LRIG2: variants seen among roughly 807,000 people sequenced by gnomAD.
LRIG2 encodes the protein leucine rich repeats and immunoglobulin like domains 2.
A neutral mutation model predicts 107.8 loss-of-function variants in LRIG2; 93 were observed. The observed-to-expected ratio is 0.86, with a 90% confidence interval of 0.73 to 1.03. The LOEUF (loss-of-function observed/expected upper bound fraction) is 1.03, where lower values mean the gene tolerates loss of function less well. Among genes scored for constraint, LRIG2 ranks in the 50% least tolerant of loss-of-function variants. The pLI, the probability that LRIG2 is intolerant of heterozygous loss-of-function variation, is 0.00. For synonymous variants in LRIG2, 471 were observed against 470.6 expected, an observed-to-expected ratio of 1.00 and a Z score of -0.01; for missense variants, 1,226 against 1,296.0, an observed-to-expected ratio of 0.95 and a Z score of 0.83.
In LRIG2 at chr1:113,128,527, G is replaced by A. The variant is rs568399135; in HGVS notation, c.*4426G>A. On this transcript the variant is annotated 3_prime_UTR_variant, in exon 18 of 18. Coordinates refer to ENST00000361127, the MANE Select transcript of LRIG2 (RefSeq NM_014813.3). ...CATTCTATGAATCTGTAATTCCCTC[G>A]AGGAGCTAAGGAGGATTATGCTACT... 5 of 152,124 alleles carry A rather than the reference G, an allele frequency of 3.3e-5. No homozygotes were observed. The highest frequency in any genetic ancestry group is 6.5e-5 in the Admixed American group (1 of 15,280). The allele number at this position is 152,124 out of a possible 1,614,324, so 9.4% of individuals were successfully genotyped here. A position where few individuals can be genotyped will look rare whatever the true frequency, so the allele number is the denominator to read the frequency against.
intron 1 of LRIG2, among the ~76,000 whole-genome samples, chr1:113,083,862 G>C (rs1653401004): frequency 9.8e-6 from 1 of 101,622 alleles, no homozygotes; most frequent in Non-Finnish European, 1.8e-5. Context: ...GTGGGGTGGG[G>C]GGAGGGGGGA....
chr1:113,119,591 T>A, intron 17 of LRIG2, 68 bp downstream of exon 17: 1 of 1,440,836 alleles, frequency 6.9e-7, no homozygotes, highest in Non-Finnish European at 9.5e-7. Context: ...TTCTATCATA[T>A]AGGTAGTGCT....
At position 113,129,503 on chromosome 1, in the gene LRIG2, T is replaced by C. The variant is rs1311504001; in HGVS notation, c.*5402T>C. 1.3e-5 allele frequency: 2 copies of C among 151,490 alleles called. 1 individual carries two copies. The highest frequency in any genetic ancestry group is 3.9e-4 in the East Asian group (2 of 5,170). The allele number at this position is 151,490 out of a possible 1,614,324, so 9.4% of individuals were successfully genotyped here. A position where few individuals can be genotyped will look rare whatever the true frequency, so the allele number is the denominator to read the frequency against. On this transcript the variant is annotated 3_prime_UTR_variant, in exon 18 of 18. Transcript: ENST00000361127. ...AACTAGTCAGCAATCTATTTAAATG[T>C]GAAGAGCCTATCTCTGGTCTTTAAA...
intron 8 of LRIG2, 84 bp downstream of exon 8, chr1:113,096,449 T>C: frequency 2.2e-6 from 3 of 1,377,354 alleles, no homozygotes; most frequent in Non-Finnish European, 3.0e-6. Context: ...AACTAATCAG[T>C]CTGCAAATTC....
chr1:113,087,604 C>T (rs1653615622), intron 1 of LRIG2, among the ~76,000 whole-genome samples: 1 of 152,198 alleles, frequency 6.6e-6, no homozygotes, highest in South Asian at 2.1e-4. Flanking sequence ...CCACCTCGGC[C>T]TCCCAAAGTG....
Position 113,073,527 on chromosome 1 carries a change from G to T in LRIG2, c.121G>T (p.Gly41Cys). 1 of 1,614,174 alleles carries T rather than the reference G, an allele frequency of 6.2e-7. No individual in the cohort carries two copies. The change falls in exon 1 of 18, where the codon GGT becomes TGT. Residue 41 changes from glycine to cysteine, a missense_variant. Physicochemically the swap from Gly to Cys is radical, Grantham distance 159. This residue lies in a region of LRIG2 where 570 missense variants were observed against 550.2 expected (regional missense o/e 1.04). Transcript: ENST00000361127. ...ALLLLPAAGA[G>C]LCPAPCSCRI... ...CCTCCTGTTGCCCGCCGCCGGAGCA[G>T]GTCTCTGCCCCGCGCCCTGCTCCTG...
At chr1:113,084,238 C>G (rs575333345) in intron 1 of LRIG2, among the ~76,000 whole-genome samples, 127 of 114,978 alleles carry the variant, frequency 1.1e-3, no homozygotes, top group Non-Finnish European at 1.8e-3. Flanking sequence ...TTTTCTGAGA[C>G]AGAGTCTTGT....
intron 15 of LRIG2, among the ~76,000 whole-genome samples, chr1:113,116,057 A>G (rs1654994159): frequency 6.6e-6 from 1 of 152,202 alleles, no homozygotes; most frequent in Non-Finnish European, 1.5e-5. Context: ...GGCAGTAGAT[A>G]AGATTTCAAC....
Position 113,108,703 on chromosome 1 carries a change from C to G in LRIG2, c.1477+946C>G, listed in dbSNP as rs1294804874. ...ACCGGCCTGGCCAGCATGGCGAAAC[C>G]CTGACTCTACTAAAAATACAAAAAT... is the stretch of plus-strand genomic sequence containing the variant. On this transcript the variant is annotated intron_variant, in intron 12 of 17. Transcript: ENST00000361127. 3.3e-5 allele frequency among the ~76,000 whole-genome samples: 5 copies of G among 151,484 alleles called. 1 individual carries two copies. The highest frequency in any genetic ancestry group is 3.9e-4 in the East Asian group (2 of 5,064).
chr1:113,088,514 A>G (rs1653654864), intron 1 of LRIG2, among the ~76,000 whole-genome samples: 1 of 152,232 alleles, frequency 6.6e-6, no homozygotes. Flanking sequence ...GGGGATGAAT[A>G]CAGTCAAGAG....
intron 1 of LRIG2, among the ~76,000 whole-genome samples, chr1:113,082,823 A>G (rs1240541439): frequency 6.6e-6 from 1 of 151,434 alleles, no homozygotes; most frequent in Middle Eastern, 3.2e-3. Flanking sequence ...CTGACTAATG[A>G]TTTTATATTT....
chr1:113,100,226 C>G lies in LRIG2; in HGVS notation c.1188C>G (p.Asn396Lys), dbSNP rs761678759. 1.1e-5 allele frequency: 18 copies of G among 1,578,372 alleles called. No individual in the cohort carries two copies. Among genetic ancestry groups the G allele is most frequent in the Non-Finnish European group, 1.6e-5 (18 of 1,154,490 alleles). Residue 396 changes from asparagine (N) to lysine (K), a missense_variant, in exon 10 of 18, where the codon AAC becomes AAG. Physicochemically the swap from Asn to Lys is moderately conservative, Grantham distance 94. Around this residue, in one of 3 missense-constraint regions of LRIG2, gnomAD observed 570 missense variants for 550.2 expected, o/e 1.04. Transcript: ENST00000361127. ...TATATTTCAGAATCTTACAAGGAAACCAGATTAAGTCAATTACAAAGAAAG... is the reference window on the plus strand; with the variant it reads ...TATATTTCAGAATCTTACAAGGAAAGCAGATTAAGTCAATTACAAAGAAAG... The part of the protein sequence containing the change: ...TSLTKLILQG[N>K]QIKSITKKAF...
chr1:113,091,530 T>C, intron 2 of LRIG2, 147 bp downstream of exon 2: 1 of 574,830 alleles, frequency 1.7e-6, no homozygotes, highest in Non-Finnish European at 3.1e-6. Context: ...ACCTAAAATG[T>C]TTTCTTTGGC....
At chr1:113,085,471 A>T (rs1156466737) in intron 1 of LRIG2, among the ~76,000 whole-genome samples, 4 of 152,098 alleles carry the variant, frequency 2.6e-5, no homozygotes, top group Admixed American at 2.6e-4. Context: ...TTTAGTAGAG[A>T]CGGGGTTTCT....
In LRIG2 at chr1:113,129,897, A is replaced by C. The variant is rs1253778884; in HGVS notation, c.*5796A>C. 1 of 151,588 alleles carries C rather than the reference A, an allele frequency of 6.6e-6. No individual in the cohort carries two copies. The highest frequency in any genetic ancestry group is 2.4e-5 in the African/African-American group (1 of 41,188). The allele number at this position is 151,588 out of a possible 1,614,324, so 9.4% of individuals were successfully genotyped here. On this transcript the variant is annotated 3_prime_UTR_variant, in exon 18 of 18. Transcript: ENST00000361127. ...GGCTTTCTGTCACTCCGCAACTTGT[A>C]CTTTTTTTTTTGAGACAGGGTTTCA...
chr1:113,083,065 A>G (rs1653361612), intron 1 of LRIG2, among the ~76,000 whole-genome samples: 1 of 151,818 alleles, frequency 6.6e-6, no homozygotes. Flanking sequence ...GTGTGCCACC[A>G]TGCCTGGCTA....
intron 1 of LRIG2, among the ~76,000 whole-genome samples, 179 bp from the exon 2 acceptor site, chr1:113,091,139 G>A (rs914518112): frequency 6.6e-5 from 10 of 152,018 alleles, no homozygotes; most frequent in African/African-American, 2.4e-4. Context: ...TGCCAGGTGA[G>A]TCTTGAACTT....
Position 113,124,078 on chromosome 1 carries a change from C to G in LRIG2, c.3175C>G (p.Gln1059Glu). The G allele has an allele frequency of 1.9e-6, 3 of 1,614,128 alleles. No homozygotes were observed. The highest frequency in any genetic ancestry group is 2.5e-6 in the Non-Finnish European group (3 of 1,180,012). The change falls in exon 18 of 18, where the codon CAA becomes GAA. Residue 1059 changes from glutamine (Q) to glutamate (E), a missense_variant. Physicochemically the swap from Gln to Glu is conservative, Grantham distance 29 (BLOSUM62 2). Coordinates refer to ENST00000361127, the MANE Select transcript of LRIG2 (RefSeq NM_014813.3). ...AFDFSRTRNI[Q>E]DGSEGT ...TGATTTTAGTAGGACTCGGAACATT[C>G]AAGATGGTAGTGAGGGCACATGAAA...
chr1:113,091,744 G>A (rs1202365497), intron 2 of LRIG2, among the ~76,000 whole-genome samples: 2 of 152,168 alleles, frequency 1.3e-5, no homozygotes, highest in African/African-American at 2.4e-5. Context: ...AAGATTGGGA[G>A]CATCATGTCT....
Sources: allele counts gnomAD v4.1 joint callset (sites outside exome capture counted in the v4.1 genomes callset), GRCh38; gene constraint gnomAD v4.1.1; regional missense constraint gnomAD v4.1.1; transcripts MANE v1.5; gene names NCBI Gene and HGNC (gene_info 2026-07-23, HGNC 2026-07-21).